Variants in ARID5B observed in about 807,000 individuals in gnomAD.
ARID5B encodes the protein AT-rich interactive domain-containing protein 5B.
ARID5B carries 13 observed loss-of-function variants against 97.2 expected under a neutral mutation model. The observed-to-expected ratio is 0.13, with a 90% CI of 0.09 to 0.21. The LOEUF (loss-of-function observed/expected upper bound fraction) is 0.21, where lower values mean the gene tolerates loss of function less well. Among genes scored for constraint, ARID5B ranks in the 10% least tolerant of loss-of-function variants. The probability of loss-of-function intolerance (pLI) is 1.00; values close to 1 mark genes in which losing one functional copy is unlikely to be tolerated. For missense variants in ARID5B, 1,210 were observed against 1,465.3 expected (o/e 0.83, Z 2.84); for synonymous variants, 556 against 570.3 (o/e 0.97, Z 0.36).
At chr10:61,930,663 T>G (rs1244623016) in intron 2 of ARID5B, among the ~76,000 whole-genome samples, 1 of 151,574 alleles carries the variant, frequency 6.6e-6, no homozygotes, top group Admixed American at 6.6e-5. Context: ...GAGCTTGCAG[T>G]GAACCGAGAT....
intron 9 of ARID5B, among the ~76,000 whole-genome samples, chr10:62,087,298 C>CAAAAAAA (rs71299289): frequency 0.17 from 6,663 of 40,002 alleles, 1,323 homozygotes; most frequent in Non-Finnish European, 0.21. Context: ...GACTCTATCT[C>CAAAAAAA]AAAAAAAAAA....
rs1414043526 is a variant in ARID5B at position 62,091,920 on chromosome 10, C to T, written c.2457C>T (p.Leu819=). 1 of 1,613,876 alleles carries T rather than the reference C, an allele frequency of 6.2e-7. No homozygotes were observed. The highest frequency in any genetic ancestry group is 8.5e-7 in the Non-Finnish European group (1 of 1,179,924). Residue 819 remains leucine (L), a synonymous_variant, in exon 10 of 10, where the codon CTC becomes CTT. Coordinates refer to ENST00000279873, the MANE Select transcript of ARID5B (RefSeq NM_032199.3). ...ATAAACTCTTAGAGAAAAGGGCCCT[C>T]CCCCATTCCCACATGCCTAGCTTCC... ...GKDKLLEKRA[L]PHSHMPSFLA...
At chr10:61,950,035 G>A (rs1838300614) in intron 3 of ARID5B, among the ~76,000 whole-genome samples, 1 of 151,872 alleles carries the variant, frequency 6.6e-6, no homozygotes, top group Non-Finnish European at 1.5e-5. Context: ...TGAGATGGAG[G>A]TTTGCTCTGT....
In ARID5B at chr10:62,092,909, C is replaced by A. The variant is rs1290988046; in HGVS notation, c.3446C>A (p.Pro1149His). Residue 1149 changes from proline (P) to histidine (H), a missense_variant, in exon 10 of 10, where the codon CCT (proline) becomes CAT (histidine). Pro to His is a moderately conservative substitution (Grantham distance 77). Around this residue, in one of 8 missense-constraint regions of ARID5B, gnomAD observed 54 missense variants for 67.4 expected, o/e 0.80. Coordinates refer to ENST00000279873, the MANE Select transcript of ARID5B (RefSeq NM_032199.3). ...QLYRHLAAAT[P>H]VGSSYGDLLH... The stretch of plus-strand genomic sequence containing the variant: ...TACAGACACTTGGCTGCGGCTACAC[C>A]TGTAGGAAGTTCATATGGGGACCTT... 6.2e-7 allele frequency: 1 copy of A among 1,614,102 alleles called. No homozygotes were observed. Among genetic ancestry groups the A allele is most frequent in the Non-Finnish European group, 8.5e-7 (1 of 1,180,044 alleles).
At chr10:61,949,621 G>A (rs891438692) in intron 3 of ARID5B, among the ~76,000 whole-genome samples, 2 of 152,064 alleles carry the variant, frequency 1.3e-5, no homozygotes, top group South Asian at 2.1e-4. Context: ...TTGGCAACAA[G>A]AGCGAAACTT....
chr10:62,033,046 G>C (rs1403256833), intron 4 of ARID5B, among the ~76,000 whole-genome samples: 1 of 152,144 alleles, frequency 6.6e-6, no homozygotes, highest in African/African-American at 2.4e-5. Context: ...ACGACCAACA[G>C]GTTGCCATTC....
intron 7 of ARID5B, among the ~76,000 whole-genome samples, chr10:62,068,425 C>T (rs1840020780): frequency 6.6e-6 from 1 of 151,988 alleles, no homozygotes; most frequent in South Asian, 2.1e-4. Flanking sequence ...GGGGTTCTTT[C>T]TATTTGAAAT....
chr10:62,046,758 A>G lies in ARID5B; in HGVS notation c.734-4130A>G, dbSNP rs187971368. 3 of 151,986 alleles carry G rather than the reference A, an allele frequency of 2.0e-5. No individual in the cohort carries two copies. The East Asian group carries it at 5.8e-4, about 29-fold the overall frequency. 9.4% of individuals were successfully genotyped at this position (151,986 alleles called of 1,614,324 possible). ...CAGTGGCCCACTGGTTAAGGAGGGTAATATGTAGGGCTCTCTGACTAAGTT... is the reference window on the plus strand; with the variant it reads ...CAGTGGCCCACTGGTTAAGGAGGGTGATATGTAGGGCTCTCTGACTAAGTT... On this transcript the variant is annotated intron_variant, in intron 4 of 9. Coordinates refer to ENST00000279873, the MANE Select transcript of ARID5B (RefSeq NM_032199.3).
intron 4 of ARID5B, among the ~76,000 whole-genome samples, chr10:62,021,313 T>C (rs1839354318): frequency 6.6e-6 from 1 of 152,108 alleles, no homozygotes; most frequent in South Asian, 2.1e-4. Flanking sequence ...TGTTATTCAT[T>C]TATTGAGAAA....
At chr10:62,002,313 G>A (rs1050893679) in intron 4 of ARID5B, among the ~76,000 whole-genome samples, 1 of 152,084 alleles carries the variant, frequency 6.6e-6, no homozygotes, top group African/African-American at 2.4e-5. Flanking sequence ...ACTTTTGAAT[G>A]TTTTCCTGAA....
chr10:61,913,998 GC>G lies in ARID5B; in HGVS notation c.276+11587del, dbSNP rs547589797. Reference sequence around the variant, plus strand: ...ACTCCCGACCTCAGGTGATCCACCCGCCTCAGCCTCCCAAAGTGCTGGGATT... The same window carrying G: ...ACTCCCGACCTCAGGTGATCCACCCGCTCAGCCTCCCAAAGTGCTGGGATT... On this transcript the variant is annotated intron_variant, in intron 2 of 9. Transcript: ENST00000279873. Among the ~76,000 whole-genome samples, 385 of 152,262 alleles carry G rather than the reference GC, an allele frequency of 2.5e-3. 2 individuals are homozygous for G. In the South Asian group the frequency reaches 0.045, roughly 18 times the overall value.
Position 62,092,527 on chromosome 10 carries a change from G to A in ARID5B, c.3064G>A (p.Val1022Met), listed in dbSNP as rs947375192. 1 of 1,614,208 alleles carries A rather than the reference G, an allele frequency of 6.2e-7. No homozygotes were observed. ...IKRSLEDLDL[V>M]IAGKKARAVS... ...GCGCAGCCTGGAGGATTTGGACCTT[G>A]TGATTGCAGGGAAAAAGGCCCGGGC... The change falls in exon 10 of 10, where the codon GTG (valine) becomes ATG (methionine). Residue 1022 changes from valine (V) to methionine (M), a missense_variant. Transcript: ENST00000279873.
chr10:62,050,531 C>T (rs910462805), intron 4 of ARID5B, among the ~76,000 whole-genome samples: 1 of 152,164 alleles, frequency 6.6e-6, no homozygotes, highest in Admixed American at 6.5e-5. Flanking sequence ...AAACAAAAAC[C>T]AAAGATTGAG....
At chr10:62,022,059 TC>T (rs1411311643) in intron 4 of ARID5B, among the ~76,000 whole-genome samples, 4 of 152,184 alleles carry the variant, frequency 2.6e-5, no homozygotes, top group Admixed American at 6.5e-5. Flanking sequence ...CCTGGCACTG[TC>T]CCCCTGTCCC....
chr10:62,009,935 A>G (rs1839195259), intron 4 of ARID5B, among the ~76,000 whole-genome samples: 1 of 152,208 alleles, frequency 6.6e-6, no homozygotes, highest in African/African-American at 2.4e-5. Flanking sequence ...AATACTCTGG[A>G]CTTTGAAGCT....
intron 3 of ARID5B, among the ~76,000 whole-genome samples, chr10:61,956,217 C>A (rs1838389726): frequency 6.6e-6 from 1 of 152,216 alleles, no homozygotes; most frequent in African/African-American, 2.4e-5. Context: ...CACCTCCCAT[C>A]AAATCAGTAG....
At chr10:62,001,711 T>C (rs996338471) in intron 4 of ARID5B, among the ~76,000 whole-genome samples, 1 of 152,138 alleles carries the variant, frequency 6.6e-6, no homozygotes, top group Admixed American at 6.5e-5. Context: ...CTAAGTCCAT[T>C]AGATTCTAAG....
At chr10:62,028,538 G>A (rs1179823347) in intron 4 of ARID5B, among the ~76,000 whole-genome samples, 3 of 152,138 alleles carry the variant, frequency 2.0e-5, no homozygotes, top group South Asian at 2.1e-4. Context: ...CACCACCTGT[G>A]TGCTCCTGGG....
chr10:61,934,677 G>A (rs1429561651), intron 2 of ARID5B, among the ~76,000 whole-genome samples: 2 of 152,132 alleles, frequency 1.3e-5, no homozygotes, highest in African/African-American at 2.4e-5. Context: ...CCTTATATCT[G>A]CATGGTTTGT....
Sources: allele counts gnomAD v4.1 joint callset (sites outside exome capture counted in the v4.1 genomes callset), GRCh38; gene constraint gnomAD v4.1.1; regional missense constraint gnomAD v4.1.1; transcripts MANE v1.5; gene names NCBI Gene and HGNC (gene_info 2026-07-23, HGNC 2026-07-21).